Variants in ZNF385B observed in about 807,000 individuals in gnomAD.
ZNF385B encodes the protein zinc finger protein 385B.
A neutral mutation model predicts 39.2 loss-of-function variants in ZNF385B; 23 were observed. That is an observed-to-expected ratio of 0.59 (90% CI 0.42 to 0.83). ZNF385B has a LOEUF of 0.83. ZNF385B is among the 40% of genes least tolerant of loss of function. The pLI is 0.00. For synonymous variants in ZNF385B, 205 were observed against 222.6 expected, an observed-to-expected ratio of 0.92 and a Z score of 0.70; for missense variants, 552 against 598.9, an observed-to-expected ratio of 0.92 and a Z score of 0.82.
At chr2:179,625,142 T>G (rs1690545603) in intron 3 of ZNF385B, among the ~76,000 whole-genome samples, 1 of 152,190 alleles carries the variant, frequency 6.6e-6, no homozygotes. Context: ...CCAGACTCAC[T>G]GTCTCCTCCA....
chr2:179,644,183 C>G (rs941637598), intron 3 of ZNF385B, among the ~76,000 whole-genome samples: 2 of 152,102 alleles, frequency 1.3e-5, no homozygotes, highest in Non-Finnish European at 2.9e-5. Flanking sequence ...ATAATCCATT[C>G]TATCATCACT....
chr2:179,565,545 C>T (rs1684455493), intron 3 of ZNF385B, among the ~76,000 whole-genome samples: 1 of 152,236 alleles, frequency 6.6e-6, no homozygotes, highest in Non-Finnish European at 1.5e-5. Context: ...CTCTCAAGGA[C>T]AGGACCCACA....
intron 1 of ZNF385B, among the ~76,000 whole-genome samples, chr2:179,782,562 T>A (rs1005330370): frequency 3.9e-5 from 6 of 152,212 alleles, no homozygotes; most frequent in African/African-American, 1.4e-4. Context: ...GCAGATGATA[T>A]GATTCTATAT....
intron 3 of ZNF385B, among the ~76,000 whole-genome samples, chr2:179,655,837 G>A (rs1469930841): frequency 6.6e-6 from 1 of 152,126 alleles, no homozygotes; most frequent in Non-Finnish European, 1.5e-5. Context: ...AAACAGATGG[G>A]AATTCCAAGT....
intron 3 of ZNF385B, among the ~76,000 whole-genome samples, chr2:179,652,846 C>CAA (rs10653511): frequency 0.28 from 38,622 of 140,370 alleles, 5,906 homozygotes; most frequent in East Asian, 0.53. Flanking sequence ...AGCAAAGCAC[C>CAA]AAAAAAAAAA....
intron 5 of ZNF385B, among the ~76,000 whole-genome samples, chr2:179,495,883 G>A (rs1375480723): frequency 6.6e-6 from 1 of 152,144 alleles, no homozygotes. Context: ...AAGAAGGACG[G>A]CTACAAATAA....
At chr2:179,482,104 C>T (rs575995932) in intron 6 of ZNF385B, among the ~76,000 whole-genome samples, 20 of 152,170 alleles carry the variant, frequency 1.3e-4, no homozygotes, top group Non-Finnish European at 2.5e-4. Flanking sequence ...AATCCTTCTA[C>T]GCTGAAGAGC....
At chr2:179,479,024 C>T (rs1406860885) in intron 6 of ZNF385B, among the ~76,000 whole-genome samples, 1 of 152,062 alleles carries the variant, frequency 6.6e-6, no homozygotes, top group Non-Finnish European at 1.5e-5. Context: ...CCCAATTCTC[C>T]CAAAGCATAT....
intron 4 of ZNF385B, among the ~76,000 whole-genome samples, chr2:179,535,898 A>G (rs1338248270): frequency 6.6e-6 from 1 of 152,224 alleles, no homozygotes; most frequent in Non-Finnish European, 1.5e-5. Flanking sequence ...CCAACCCCCA[A>G]GGGATGTGAG....
At chr2:179,691,088 T>C (rs1698319369) in intron 3 of ZNF385B, among the ~76,000 whole-genome samples, 4 of 152,168 alleles carry the variant, frequency 2.6e-5, no homozygotes, top group Admixed American at 2.6e-4. Context: ...CTGAACTGTT[T>C]TGTTTTTTCT....
In ZNF385B at chr2:179,773,903, G is replaced by T. The variant is rs140521996; in HGVS notation, c.-154-3231C>A. Among the ~76,000 whole-genome samples the T allele has an allele frequency of 3.4e-3, 523 of 152,228 alleles. 4 individuals are homozygous for T. The highest frequency in any genetic ancestry group is 5.6e-3 in the Non-Finnish European group (382 of 68,006). ...TCCTCAGCATCTAAGATTGTGTTTT[G>T]TATAAAATAGGCACTTAATAAATGT... On this transcript the variant is annotated intron_variant, in intron 1 of 9. Coordinates refer to ENST00000410066, the MANE Select transcript of ZNF385B (RefSeq NM_152520.6).
intron 1 of ZNF385B, among the ~76,000 whole-genome samples, chr2:179,780,159 G>A (rs1314729623): frequency 6.6e-6 from 1 of 152,116 alleles, no homozygotes; most frequent in Non-Finnish European, 1.5e-5. Flanking sequence ...ACTCTACTAG[G>A]CAGCCACCAA....
Position 179,814,335 on chromosome 2 carries a change from C to T in ZNF385B, c.-154-43663G>A, listed in dbSNP as rs533677564. On this transcript the variant is annotated intron_variant, in intron 1 of 9. Transcript: ENST00000410066. The stretch of plus-strand genomic sequence containing the variant: ...AGGAGAGGACTGCATGGCTGTCATT[C>T]GCTTCGGCCACGGCTGGGACCCCAC... 10 of 281,556 alleles carry T rather than the reference C, an allele frequency of 3.6e-5. No individual in the cohort carries two copies. The East Asian group carries it at 7.4e-4, about 21-fold the overall frequency. 17.4% of individuals were successfully genotyped at this position (281,556 alleles called of 1,614,324 possible). A position where few individuals can be genotyped will look rare whatever the true frequency, so the allele number is the denominator to read the frequency against.
At chr2:179,567,049 G>A (rs1048835174) in intron 3 of ZNF385B, among the ~76,000 whole-genome samples, 3 of 151,688 alleles carry the variant, frequency 2.0e-5, no homozygotes, top group African/African-American at 4.8e-5. Context: ...CCGAGTAGCT[G>A]AGATTACAGG....
intron 1 of ZNF385B, among the ~76,000 whole-genome samples, chr2:179,807,646 A>G (rs902869379): frequency 3.3e-5 from 5 of 151,870 alleles, no homozygotes; most frequent in African/African-American, 4.8e-5. Flanking sequence ...CTGTAATCCC[A>G]GCACTTTAGG....
chr2:179,650,741 G>A (rs1331866767), intron 3 of ZNF385B, among the ~76,000 whole-genome samples: 1 of 152,136 alleles, frequency 6.6e-6, no homozygotes, highest in Non-Finnish European at 1.5e-5. Flanking sequence ...ATAAGGTAGG[G>A]CAGTGAGAAA....
chr2:179,597,038 GT>G (rs1381583307), intron 3 of ZNF385B, among the ~76,000 whole-genome samples: 1 of 152,104 alleles, frequency 6.6e-6, no homozygotes, highest in Non-Finnish European at 1.5e-5. Context: ...CATTCTTTCA[GT>G]TCCCAATAAT....
intron 3 of ZNF385B, among the ~76,000 whole-genome samples, chr2:179,593,902 T>C (rs1031031437): frequency 1.6e-4 from 24 of 152,192 alleles, no homozygotes; most frequent in African/African-American, 5.1e-4. Flanking sequence ...CTTCATAATC[T>C]TTCTCCTGTC....
intron 3 of ZNF385B, among the ~76,000 whole-genome samples, chr2:179,670,517 G>A (rs1242358148): frequency 6.7e-6 from 1 of 149,340 alleles, no homozygotes; most frequent in Non-Finnish European, 1.5e-5. Flanking sequence ...GAACTAATAG[G>A]TCTTGAAAAT....
Sources: allele counts gnomAD v4.1 joint callset (sites outside exome capture counted in the v4.1 genomes callset), GRCh38; gene constraint gnomAD v4.1.1; transcripts MANE v1.5; gene names NCBI Gene and HGNC (gene_info 2026-07-23, HGNC 2026-07-21).